The following DSP variants were observed in gnomAD, a reference collection of about 807,000 sequenced individuals.
The protein encoded by DSP is 250/210 kDa paraneoplastic pemphigus antigen.
A neutral mutation model predicts 290.6 loss-of-function variants in DSP; 114 were observed. That is an observed-to-expected ratio of 0.39 (90% CI 0.34 to 0.46). The LOEUF (loss-of-function observed/expected upper bound fraction) is 0.46. DSP is among the 20% of genes least tolerant of loss of function. The pLI, the probability that DSP is intolerant of heterozygous loss-of-function variation, is 0.99. For missense variants in DSP, 3,230 were observed against 3,495.8 expected (o/e 0.92, Z 1.92); for synonymous variants, 1,311 against 1,316.4 (o/e 1.00, Z 0.09).
rs1273820779 is a variant in DSP, at chr6:7,584,345, G to A, written c.7083G>A (p.Lys2361=). The part of the protein sequence containing the change: ...FQAMNKELIE[K]GHGIRLLEAQ... ...CCATGAATAAGGAACTCATCGAAAA[G>A]GGCCACGGTATTCGCTTATTAGAAG... Residue 2361 remains lysine, a synonymous_variant, in exon 24 of 24, where the codon AAG becomes AAA. Coordinates refer to ENST00000379802, the MANE Select transcript of DSP (RefSeq NM_004415.4). The surrounding 1 kb of genome is among the most constrained non-coding windows in gnomAD (Gnocchi z 6.4). The A allele has an allele frequency of 2.5e-6, 4 of 1,614,066 alleles. No homozygotes were observed. In the East Asian group the frequency reaches 6.7e-5, roughly 27 times the overall value.
Position 7,570,424 on chromosome 6 carries a change from T to C in DSP, c.1575-13T>C. 2 of 1,614,172 alleles carry C rather than the reference T, an allele frequency of 1.2e-6. No homozygotes were observed. The highest frequency in any genetic ancestry group is 1.7e-6 in the Non-Finnish European group (2 of 1,180,016). On this transcript the variant is annotated splice_polypyrimidine_tract_variant and intron_variant, in intron 12 of 23. Transcript: ENST00000379802. ...AGCCTGGCTCTAGCATGTTTTCCCT[T>C]TGTGCCTCTTAGGATTGAGCAGTAC...
At chr6:7,551,398 G>A (rs996552803) in intron 1 of DSP, among the ~76,000 whole-genome samples, 7 of 152,130 alleles carry the variant, frequency 4.6e-5, no homozygotes, top group Admixed American at 6.6e-5. Context: ...AGGCCAAGGC[G>A]GGTGGATCCC....
Position 7,579,159 on chromosome 6 carries a change from C to G in DSP, c.3085-116C>G. 7.2e-7 allele frequency: 1 copy of G among 1,391,694 alleles called. No individual in the cohort carries two copies. The highest frequency in any genetic ancestry group is 9.8e-7 in the Non-Finnish European group (1 of 1,015,456). 86.2% of individuals were successfully genotyped at this position (1,391,694 alleles called of 1,614,324 possible). A position where few individuals can be genotyped will look rare whatever the true frequency, so the allele number is the denominator to read the frequency against. ...GCCTAGTCACTCTTTGCATGTATGT[C>G]CATGTGTGTAAAGAGAAATAAGAAT... On this transcript the variant is annotated intron_variant, in intron 22 of 23. Coordinates refer to ENST00000379802, the MANE Select transcript of DSP (RefSeq NM_004415.4). The surrounding 1 kb of genome is among the most constrained non-coding windows in gnomAD (Gnocchi z 4.1).
At chr6:7,578,634 T>A in intron 22 of DSP, 72 bp downstream of exon 22, 1 of 1,196,456 alleles carries the variant, frequency 8.4e-7, no homozygotes, top group Non-Finnish European at 1.2e-6. Flanking sequence ...ACTTCCACAT[T>A]ATAACATGGA....
rs200338012 is a variant in DSP, at chr6:7,575,481, G to A, written c.2623G>A (p.Asp875Asn). Reference sequence around the variant, plus strand: ...CTGGCAAAGGATAGATAAACAGATCGACTTTAGGTATGCCAGCCTCCTCCC... The same window carrying A: ...CTGGCAAAGGATAGATAAACAGATCAACTTTAGGTATGCCAGCCTCCTCCC... ...DRWQRIDKQI[D>N]FRLWDLEKQI... Residue 875 changes from aspartate to asparagine, a missense_variant, in exon 18 of 24, where the codon GAC becomes AAC. Physicochemically the swap from Asp to Asn is conservative, Grantham distance 23. Transcript: ENST00000379802. The A allele has an allele frequency of 1.2e-6, 2 of 1,614,118 alleles. No homozygotes were observed. The highest frequency in any genetic ancestry group is 1.1e-5 in the South Asian group (1 of 91,072).
chr6:7,554,082 A>AAAACACACACACACACAC (rs1554105401), intron 1 of DSP, among the ~76,000 whole-genome samples: 1 of 115,898 alleles, frequency 8.6e-6, no homozygotes, highest in Non-Finnish European at 1.7e-5. Flanking sequence ...CTTTCTTTAA[A>AAAACACACACACACACAC]ACACACACAC....
intron 1 of DSP, among the ~76,000 whole-genome samples, chr6:7,551,493 G>T (rs1262146360): frequency 6.6e-6 from 1 of 152,104 alleles, no homozygotes; most frequent in Non-Finnish European, 1.5e-5. Context: ...GCTTTGCGTG[G>T]TGGCAGTGTG....
At position 7,579,261 on chromosome 6, in the gene DSP, A is replaced by T; in HGVS notation, c.3085-14A>T. 1.2e-6 allele frequency: 2 copies of T among 1,613,890 alleles called. No homozygotes were observed. The highest frequency in any genetic ancestry group is 1.3e-5 in the African/African-American group (1 of 75,040). On this transcript the variant is annotated splice_polypyrimidine_tract_variant and intron_variant, in intron 22 of 23. Coordinates refer to ENST00000379802, the MANE Select transcript of DSP (RefSeq NM_004415.4). The surrounding 1 kb of genome is among the most constrained non-coding windows in gnomAD (Gnocchi z 4.1). ...TGTTTTTCTTTTGACATAATCTCTG[A>T]TTTCATTCCACAGCTGAAAAATACC...
chr6:7,550,232 T>C (rs1758298388), intron 1 of DSP, among the ~76,000 whole-genome samples: 1 of 151,780 alleles, frequency 6.6e-6, no homozygotes, highest in South Asian at 2.1e-4. Flanking sequence ...TTGTTTTTTT[T>C]TCTGTAGAGA....
At chr6:7,548,770 G>A (rs529768982) in intron 1 of DSP, among the ~76,000 whole-genome samples, 19 of 152,308 alleles carry the variant, frequency 1.2e-4, no homozygotes, top group South Asian at 1.2e-3. Context: ...GAATGGGGAG[G>A]GGAGAGCTGT....
At chr6:7,576,790 A>G (rs1759252731) in intron 19 of DSP, among the ~76,000 whole-genome samples, 169 bp from the exon 20 acceptor site, 1 of 152,234 alleles carries the variant, frequency 6.6e-6, no homozygotes, top group Non-Finnish European at 1.5e-5. Flanking sequence ...TCTTCTCTGA[A>G]TGGAAAAAAT....
In DSP at chr6:7,558,227, C is replaced by T. The variant is rs777763456; in HGVS notation, c.385C>T (p.Arg129Trp). 1.2e-5 allele frequency: 20 copies of T among 1,614,088 alleles called. No homozygotes were observed. Among genetic ancestry groups the T allele is most frequent in the South Asian group, 6.6e-5 (6 of 91,092 alleles). The change falls in exon 3 of 24, where the codon CGG becomes TGG. Residue 129 changes from arginine (R) to tryptophan (W), a missense_variant. Arg to Trp is a moderately radical substitution (Grantham distance 101). This residue lies in a region of DSP where 646 missense variants were observed against 684.3 expected (regional missense o/e 0.94). Coordinates refer to ENST00000379802, the MANE Select transcript of DSP (RefSeq NM_004415.4). ...EILDSLIREM[R>W]QMGQPCDAYQ... ...CCTCGACAGCTTGATCAGAGAGATG[C>T]GGCAGATGGGCCAGCCCTGTGATGC... is the stretch of plus-strand genomic sequence containing the variant.
chr6:7,584,651 G>C lies in DSP; in HGVS notation c.7389G>C (p.Lys2463Asn). 6.2e-7 allele frequency: 1 copy of C among 1,614,158 alleles called. No individual in the cohort carries two copies. Among genetic ancestry groups the C allele is most frequent in the Non-Finnish European group, 8.5e-7 (1 of 1,180,018 alleles). ...VQTSQKNTLR[K>N]RRVVIVDPET... ...CATCACAAAAGAATACCCTCAGGAA[G>C]CGTAGAGTGGTCATAGTTGACCCAG... Residue 2463 changes from lysine (K) to asparagine (N), a missense_variant, in exon 24 of 24, where the codon AAG (lysine) becomes AAC (asparagine). Lys to Asn is a moderately conservative substitution (Grantham distance 94, BLOSUM62 0). Around this residue, in one of 5 missense-constraint regions of DSP, gnomAD observed 582 missense variants for 555.4 expected, o/e 1.05. Transcript: ENST00000379802. This position sits in a 1 kb window ranked among gnomAD's most constrained non-coding sequence, Gnocchi z 6.4.
At position 7,567,870 on chromosome 6, in the gene DSP, C is replaced by T. The variant is rs1003925581; in HGVS notation, c.1230C>T (p.Pro410=). Residue 410 remains proline, a synonymous_variant, in exon 10 of 24, where the codon CCC becomes CCT. Transcript: ENST00000379802. ...RKKYPCDKNM[P]LQHLLEQIKE... ...AGTACCCCTGCGACAAGAACATGCC[C>T]CTGCAGCACCTGCTGGAACAGATCA... is the stretch of plus-strand genomic sequence containing the variant. 1.9e-6 allele frequency: 3 copies of T among 1,614,006 alleles called. No individual in the cohort carries two copies. The highest frequency in any genetic ancestry group is 1.1e-5 in the South Asian group (1 of 91,072).
chr6:7,575,561 G>A (rs1215968195), intron 18 of DSP, 73 bp downstream of exon 18: 9 of 1,576,002 alleles, frequency 5.7e-6, no homozygotes, highest in Admixed American at 1.7e-5. Context: ...GTCACTTGAA[G>A]GGAACCACTG....
chr6:7,563,800 T>C lies in DSP; in HGVS notation c.777+14T>C. On this transcript the variant is annotated intron_variant, in intron 6 of 23. Coordinates refer to ENST00000379802, the MANE Select transcript of DSP (RefSeq NM_004415.4). ...GAAAACCTGCTGGTAAGCTGATTTA[T>C]TTCTCAAGTGCATCGACTTTCTGTT... The C allele has an allele frequency of 6.2e-7, 1 of 1,611,626 alleles. No homozygotes were observed. The highest frequency in any genetic ancestry group is 1.6e-4 in the Middle Eastern group (1 of 6,062).
At chr6:7,576,845 TGTA>T in intron 19 of DSP, 111 bp from the exon 20 acceptor site, 1 of 921,456 alleles carries the variant, frequency 1.1e-6, no homozygotes, top group South Asian at 1.5e-5. Context: ...GACAAGTACA[TGTA>T]GTAATAAACT....
At position 7,585,205 on chromosome 6, in the gene DSP, A is replaced by G. The variant is rs1759608443; in HGVS notation, c.7943A>G (p.Gln2648Arg). The change falls in exon 24 of 24, where the codon CAG becomes CGG. Residue 2648 changes from glutamine to arginine, a missense_variant. By Grantham distance (43) the Gln-to-Arg change is conservative. This residue lies in a region of DSP where 582 missense variants were observed against 555.4 expected (regional missense o/e 1.05). Transcript: ENST00000379802. Reference protein sequence around the residue: ...ERGIVDSITGQRLLEAQACTG... With the variant: ...ERGIVDSITGRRLLEAQACTG... The stretch of plus-strand genomic sequence containing the variant: ...GGCATCGTTGACAGCATCACGGGTC[A>G]GAGGCTTCTGGAGGCTCAGGCCTGC... The G allele has an allele frequency of 6.2e-7, 1 of 1,614,202 alleles. No homozygotes were observed. Among genetic ancestry groups the G allele is most frequent in the South Asian group, 1.1e-5 (1 of 91,078 alleles).
At position 7,571,960 on chromosome 6, in the gene DSP, G is replaced by A. The variant is rs1247105836; in HGVS notation, c.2022G>A (p.Lys674=). ...CATGGATGCTGATGGAGCTGCAGAAGATTCGCAGGCAGATAGAGCACTGCG... is the reference window on the plus strand; with the variant it reads ...CATGGATGCTGATGGAGCTGCAGAAAATTCGCAGGCAGATAGAGCACTGCG... ...QETWMLMELQ[K]IRRQIEHCEG... is the part of the protein sequence containing the mutation. Residue 674 remains lysine, a synonymous_variant, in exon 15 of 24, where the codon AAG becomes AAA. Transcript: ENST00000379802. 1.9e-6 allele frequency: 3 copies of A among 1,614,168 alleles called. No individual in the cohort carries two copies. In the East Asian group the frequency reaches 6.7e-5, roughly 36 times the overall value.
Sources: gnomAD v4.1 joint callset for allele counts (sites outside exome capture counted in the v4.1 genomes callset) on GRCh38, gnomAD v4.1.1 for gene constraint, gnomAD v4.1.1 regional missense constraint, Gnocchi (gnomAD v3.1) non-coding constraint, MANE v1.5 for transcripts, NCBI Gene and HGNC (gene_info 2026-07-23, HGNC 2026-07-21) for gene names.